Variants in SCARA5 observed in about 807,000 individuals in gnomAD.
SCARA5 encodes scavenger receptor class A, member 5 (putative).
SCARA5 carries 45 observed loss-of-function variants against 46.3 expected under a neutral mutation model. The observed-to-expected ratio is 0.97, with a 90% CI of 0.76 to 1.24. The LOEUF is 1.24. Ranked by LOEUF, SCARA5 falls within the 50% of genes most tolerant of loss-of-function variation. The pLI is 0.00. For missense variants in SCARA5, 680 were observed against 689.0 expected (o/e 0.99, Z 0.15); for synonymous variants, 333 against 306.5 (o/e 1.09, Z -0.90).
chr8:27,957,923 C>T (rs966876750), intron 3 of SCARA5, among the ~76,000 whole-genome samples: 5 of 152,188 alleles, frequency 3.3e-5, no homozygotes, highest in African/African-American at 7.2e-5. Context: ...ATATTTTAGG[C>T]TCTGCAGGCA....
At chr8:27,979,104 T>C (rs1808572870) in intron 2 of SCARA5, among the ~76,000 whole-genome samples, 1 of 152,112 alleles carries the variant, frequency 6.6e-6, no homozygotes, top group Admixed American at 6.5e-5. Context: ...TGGGGCTGAT[T>C]TAAACTCAGA....
At chr8:27,955,268 C>T (rs191104881) in intron 3 of SCARA5, among the ~76,000 whole-genome samples, 1 of 152,304 alleles carries the variant, frequency 6.6e-6, no homozygotes, top group East Asian at 1.9e-4. Flanking sequence ...TCCTATCATG[C>T]ACCTCTTCCA....
intron 3 of SCARA5, among the ~76,000 whole-genome samples, chr8:27,948,790 C>T (rs995327993): frequency 5.3e-5 from 8 of 152,186 alleles, no homozygotes; most frequent in South Asian, 4.1e-4. Flanking sequence ...GGACTACAGA[C>T]GGGAATGGGC....
intron 1 of SCARA5, among the ~76,000 whole-genome samples, chr8:27,990,618 G>A (rs577464169): frequency 9.2e-5 from 14 of 152,322 alleles, no homozygotes; most frequent in Admixed American, 9.1e-4. Context: ...TGGCTCAGCT[G>A]CAGGGTTGCT....
chr8:27,975,143 C>A (rs1373550859), intron 2 of SCARA5, among the ~76,000 whole-genome samples: 2 of 152,066 alleles, frequency 1.3e-5, no homozygotes, highest in African/African-American at 4.8e-5. Context: ...CAATAGCCAG[C>A]GATTTAATCA....
intron 3 of SCARA5, among the ~76,000 whole-genome samples, chr8:27,963,553 A>G (rs1418205692): frequency 1.3e-5 from 2 of 152,218 alleles, no homozygotes; most frequent in African/African-American, 2.4e-5. Context: ...TAAAGCTCCC[A>G]GGAGGACACT....
At position 27,892,605 on chromosome 8, in the gene SCARA5, C is replaced by CTTTTT. The variant is rs1224026831; in HGVS notation, c.1153+12172_1153+12173insAAAAA. The stretch of plus-strand genomic sequence containing the variant: ...CAGAAGTGACCTCTCCATACCTCAC[C>CTTTTT]CTTTTTTTTTTTTTTTTTTTTTGAG... On this transcript the variant is annotated intron_variant, in intron 7 of 8. Transcript: ENST00000354914. Among the ~76,000 whole-genome samples, 28 of 119,798 alleles carry CTTTTT rather than the reference C, an allele frequency of 2.3e-4. 7 individuals carry two copies. Among genetic ancestry groups the CTTTTT allele is most frequent in the Non-Finnish European group, 2.8e-4 (15 of 54,218 alleles). 78.6% of individuals were successfully genotyped at this position (119,798 alleles called of 152,430 possible).
At chr8:27,910,121 C>A in intron 4 of SCARA5, 1 of 176,196 alleles carries the variant, frequency 5.7e-6, no homozygotes, top group South Asian at 1.6e-4. Flanking sequence ...GGGGGTCAGC[C>A]CACATGGGGT....
intron 2 of SCARA5, among the ~76,000 whole-genome samples, chr8:27,977,126 G>A (rs1412249674): frequency 6.6e-6 from 1 of 152,224 alleles, no homozygotes; most frequent in Non-Finnish European, 1.5e-5. Context: ...GGCAGCAAGA[G>A]AGTGAGGGAG....
chr8:27,952,831 A>G (rs1284091489), intron 3 of SCARA5, among the ~76,000 whole-genome samples: 5 of 152,222 alleles, frequency 3.3e-5, no homozygotes, highest in Admixed American at 3.3e-4. Context: ...CCCCTTTTCT[A>G]GTCGTAACAC....
At chr8:27,885,925 A>C (rs1035555968) in intron 7 of SCARA5, 1 of 154,476 alleles carries the variant, frequency 6.5e-6, no homozygotes, top group Non-Finnish European at 1.5e-5. Context: ...AGACACCTTC[A>C]AAAAATTGAA....
chr8:27,921,006 A>AAAACAGAC (rs138622814), intron 4 of SCARA5, among the ~76,000 whole-genome samples: 1 of 151,630 alleles, frequency 6.6e-6, no homozygotes, highest in Non-Finnish European at 1.5e-5. Context: ...AACAAAATAC[A>AAAACAGAC]AAACAAACAA....
chr8:27,991,021 T>C (rs1008946213), intron 1 of SCARA5, among the ~76,000 whole-genome samples: 1 of 152,272 alleles, frequency 6.6e-6, no homozygotes, highest in Non-Finnish European at 1.5e-5. Context: ...CTCAGCCATC[T>C]GTGCCCTGCA....
At chr8:27,954,441 G>A (rs1395793938) in intron 3 of SCARA5, among the ~76,000 whole-genome samples, 1 of 152,138 alleles carries the variant, frequency 6.6e-6, no homozygotes, top group African/African-American at 2.4e-5. Flanking sequence ...ATATATGTTT[G>A]TTTGCACAAC....
At chr8:27,881,362 A>C (rs1806809945) in intron 7 of SCARA5, among the ~76,000 whole-genome samples, 2 of 152,342 alleles carry the variant, frequency 1.3e-5, no homozygotes, top group East Asian at 3.9e-4. Flanking sequence ...ATGGAATACT[A>C]TGCAGCCATA....
intron 7 of SCARA5, among the ~76,000 whole-genome samples, chr8:27,897,007 G>A (rs1342342091): frequency 5.3e-5 from 8 of 152,114 alleles, no homozygotes; most frequent in African/African-American, 1.2e-4. Context: ...CAGGAGAATC[G>A]CTTGAACCCA....
intron 8 of SCARA5, among the ~76,000 whole-genome samples, chr8:27,876,699 G>A (rs527272901): frequency 6.6e-6 from 1 of 152,288 alleles, no homozygotes; most frequent in South Asian, 2.1e-4. Flanking sequence ...AGAGGGAAGA[G>A]CTGGGGGTGA....
chr8:27,941,208 T>A (rs1377876981), intron 3 of SCARA5, among the ~76,000 whole-genome samples: 1 of 152,234 alleles, frequency 6.6e-6, no homozygotes, highest in African/African-American at 2.4e-5. Flanking sequence ...TCAGAATAGA[T>A]TCTAAATAGA....
chr8:27,900,789 G>GTTT (rs1160056178), intron 7 of SCARA5, among the ~76,000 whole-genome samples: 26 of 127,186 alleles, frequency 2.0e-4, no homozygotes, highest in East Asian at 4.6e-4. Flanking sequence ...TACGTAGCGG[G>GTTT]TTTTTTTTTT....
Sources: gnomAD v4.1 joint callset for allele counts (sites outside exome capture counted in the v4.1 genomes callset) on GRCh38, gnomAD v4.1.1 for gene constraint, MANE v1.5 for transcripts, NCBI Gene and HGNC (gene_info 2026-07-23, HGNC 2026-07-21) for gene names.